Variants in HMGA2 observed in about 807,000 individuals in gnomAD.
The protein encoded by HMGA2 is high mobility group AT-hook 2.
HMGA2 carries 8 observed loss-of-function variants against 19.1 expected under a neutral mutation model. The ratio of observed to expected loss-of-function variants is 0.42; its 90% CI spans 0.25 to 0.76. HMGA2 has a LOEUF of 0.76. HMGA2 is among the 30% of genes least tolerant of loss of function. HMGA2 has a pLI of 0.28. For missense variants in HMGA2, 109 were observed against 136.3 expected, an observed-to-expected ratio of 0.80 and a Z score of 1.00; for synonymous variants, 60 against 48.8, an observed-to-expected ratio of 1.23 and a Z score of -0.96.
chr12:65,848,822 G>C (rs1368869084), intron 3 of HMGA2, among the ~76,000 whole-genome samples: 3 of 151,960 alleles, frequency 2.0e-5, no homozygotes, highest in South Asian at 2.1e-4. Flanking sequence ...CGCCACTGCA[G>C]TCCGCAGTCC....
chr12:65,852,362 G>A (rs1178539199), intron 3 of HMGA2, among the ~76,000 whole-genome samples: 1 of 152,130 alleles, frequency 6.6e-6, no homozygotes, highest in Admixed American at 6.5e-5. Flanking sequence ...AATTAGCTGA[G>A]CATGGTGGCG....
At chr12:65,860,261 G>A (rs1871986061) in intron 3 of HMGA2, among the ~76,000 whole-genome samples, 1 of 152,160 alleles carries the variant, frequency 6.6e-6, no homozygotes, top group Admixed American at 6.5e-5. Context: ...TTGGCCTACA[G>A]TCATCTTACA....
At chr12:65,929,815 A>G (rs148297754) in intron 3 of HMGA2, among the ~76,000 whole-genome samples, 105 of 152,296 alleles carry the variant, frequency 6.9e-4, no homozygotes, top group African/African-American at 2.5e-3. Flanking sequence ...CTGGGGAAAA[A>G]CAATTGGATA....
At chr12:65,915,564 A>C (rs1875069240) in intron 3 of HMGA2, 4 of 1,083,976 alleles carry the variant, frequency 3.7e-6, no homozygotes, top group Non-Finnish European at 4.5e-6. Flanking sequence ...ATGTAATATC[A>C]CATGACTTTC....
At chr12:65,920,222 G>A (rs771555304) in intron 3 of HMGA2, among the ~76,000 whole-genome samples, 16 of 152,054 alleles carry the variant, frequency 1.1e-4, no homozygotes, top group Non-Finnish European at 2.1e-4. Context: ...GCAGTCTGAG[G>A]ATGTGCACAG....
At chr12:65,858,515 G>T (rs1871866252) in intron 3 of HMGA2, 1 of 151,972 alleles carries the variant, frequency 6.6e-6, no homozygotes, top group Non-Finnish European at 1.5e-5. Flanking sequence ...TTAGAATGAA[G>T]TGTTGCAAGA....
intron 3 of HMGA2, among the ~76,000 whole-genome samples, chr12:65,945,634 A>T (rs757776409): frequency 2.0e-5 from 3 of 152,170 alleles, no homozygotes; most frequent in Non-Finnish European, 4.4e-5. Flanking sequence ...CACTCCCATC[A>T]ATGTGCCCAA....
chr12:65,845,208 C>A (rs1421386216), intron 3 of HMGA2, among the ~76,000 whole-genome samples: 1 of 151,932 alleles, frequency 6.6e-6, no homozygotes, highest in Non-Finnish European at 1.5e-5. Context: ...TCCAGGAGAA[C>A]ATTTTTGTTG....
At chr12:65,903,624 T>G (rs1874464300) in intron 3 of HMGA2, among the ~76,000 whole-genome samples, 1 of 151,806 alleles carries the variant, frequency 6.6e-6, no homozygotes, top group Non-Finnish European at 1.5e-5. Context: ...GAAATCACAG[T>G]GAGTATTTTT....
At chr12:65,944,485 C>T (rs1876193264) in intron 3 of HMGA2, among the ~76,000 whole-genome samples, 1 of 152,144 alleles carries the variant, frequency 6.6e-6, no homozygotes, top group South Asian at 2.1e-4. Flanking sequence ...TCCCTCTTTT[C>T]ACCACAATCT....
At chr12:65,936,873 T>C (rs1043446513) in intron 3 of HMGA2, among the ~76,000 whole-genome samples, 11 of 152,182 alleles carry the variant, frequency 7.2e-5, no homozygotes, top group Non-Finnish European at 1.5e-4. Context: ...CTCAGAGGTC[T>C]TTCTGGCCCC....
intron 3 of HMGA2, among the ~76,000 whole-genome samples, chr12:65,917,323 C>T (rs148228764): frequency 8.5e-4 from 130 of 152,222 alleles, no homozygotes; most frequent in African/African-American, 3.0e-3. Context: ...ACGGGATTGC[C>T]GCTAAGAAGT....
chr12:65,946,075 A>G lies in HMGA2; in HGVS notation c.250-5308A>G, dbSNP rs543186593. 1.4e-4 allele frequency among the ~76,000 whole-genome samples: 22 copies of G among 152,308 alleles called. No homozygotes were observed. The South Asian group carries it at 3.9e-3, about 27-fold the overall frequency. ...ATAACAGATGATCCTGTGAGATGCT[A>G]TTTTGTGAGGTGTGAAAGGCCCCCA... On this transcript the variant is annotated intron_variant, in intron 3 of 4. Transcript: ENST00000403681.
intron 3 of HMGA2, among the ~76,000 whole-genome samples, chr12:65,895,622 A>G (rs1423746350): frequency 6.6e-6 from 1 of 152,180 alleles, no homozygotes; most frequent in African/African-American, 2.4e-5. Flanking sequence ...TATTTGCCAT[A>G]TGTTAGTTAG....
chr12:65,875,632 G>A (rs138586069), intron 3 of HMGA2, among the ~76,000 whole-genome samples: 728 of 20,170 alleles, frequency 0.036, 9 homozygotes, highest in Non-Finnish European at 0.085. Flanking sequence ...TTTTTTTTTA[G>A]TAAAGACAAG....
intron 3 of HMGA2, chr12:65,881,599 G>T: frequency 1.6e-6 from 1 of 630,574 alleles, no homozygotes; most frequent in Non-Finnish European, 2.9e-6. Context: ...CCTGGCCTGA[G>T]TATTGTCCTG....
At chr12:65,879,300 T>C (rs1320094378) in intron 3 of HMGA2, among the ~76,000 whole-genome samples, 1 of 151,868 alleles carries the variant, frequency 6.6e-6, no homozygotes, top group Admixed American at 6.6e-5. Flanking sequence ...CTATTTTTTT[T>C]TTTTTTTTGG....
At chr12:65,863,139 G>T (rs892568347) in intron 3 of HMGA2, among the ~76,000 whole-genome samples, 1 of 152,228 alleles carries the variant, frequency 6.6e-6, no homozygotes, top group African/African-American at 2.4e-5. Flanking sequence ...GCTGGGGAAT[G>T]AAACTAGAAT....
intron 3 of HMGA2, among the ~76,000 whole-genome samples, chr12:65,873,530 A>G (rs769707305): frequency 1.3e-5 from 2 of 152,242 alleles, no homozygotes; most frequent in Non-Finnish European, 2.9e-5. Context: ...AGAGATGTCC[A>G]GTGTCACTAT....
Sources: allele counts gnomAD v4.1 joint callset (sites outside exome capture counted in the v4.1 genomes callset), GRCh38; gene constraint gnomAD v4.1.1; transcripts MANE v1.5; gene names NCBI Gene and HGNC (gene_info 2026-07-23, HGNC 2026-07-21).